Variants in KCNK5 observed in about 807,000 individuals in gnomAD.
The protein encoded by KCNK5 is potassium channel subfamily K member 5.
A neutral mutation model predicts 32.9 loss-of-function variants in KCNK5; 18 were observed. The observed-to-expected ratio is 0.55, with a 90% CI of 0.38 to 0.81. The LOEUF (loss-of-function observed/expected upper bound fraction) is 0.81. Ranked by LOEUF, KCNK5 falls within the 30% of genes least tolerant of loss-of-function variation. The probability of loss-of-function intolerance (pLI) is 0.00; values close to 1 mark genes in which losing one functional copy is unlikely to be tolerated. For missense variants in KCNK5, 507 were observed against 651.0 expected (o/e 0.78, Z 2.41); for synonymous variants, 276 against 275.3 (o/e 1.00, Z -0.03).
At chr6:39,223,209 T>C (rs1253152228) in intron 1 of KCNK5, among the ~76,000 whole-genome samples, 3 of 152,198 alleles carry the variant, frequency 2.0e-5, no homozygotes, top group Non-Finnish European at 4.4e-5. Context: ...ATTTACGATG[T>C]GCCATACACT....
At chr6:39,198,571 T>C (rs139589537) in intron 1 of KCNK5, among the ~76,000 whole-genome samples, 102 of 152,328 alleles carry the variant, frequency 6.7e-4, no homozygotes, top group African/African-American at 2.0e-3. Flanking sequence ...TGGTAGAGGA[T>C]TGAAGGGAAA....
intron 1 of KCNK5, among the ~76,000 whole-genome samples, chr6:39,199,104 A>G (rs1460856141): frequency 6.6e-6 from 1 of 152,118 alleles, no homozygotes; most frequent in Non-Finnish European, 1.5e-5. Context: ...CTAATGGGTG[A>G]TGGGAGATGC....
chr6:39,190,943 A>T lies in KCNK5; in HGVS notation c.1447T>A (p.Tyr483Asn). 6.7e-7 allele frequency: 1 copy of T among 1,502,006 alleles called. No homozygotes were observed. The highest frequency in any genetic ancestry group is 8.9e-7 in the Non-Finnish European group (1 of 1,126,878). The allele number at this position is 1,502,006 out of a possible 1,614,324, so 93.0% of individuals were successfully genotyped here. ...TTGTACTCATTCATCAGCTGTTCGT[A>T]AGGCACAGAGAGCTCAGACTCAGTG... ...TSTESELSVP[Y>N]EQLMNEYNKA... Residue 483 changes from tyrosine to asparagine, a missense_variant, in exon 5 of 5, where the codon TAC (tyrosine) becomes AAC (asparagine). Physicochemically the swap from Tyr to Asn is moderately radical, Grantham distance 143. This residue lies in a region of KCNK5 where 252 missense variants were observed against 250.8 expected (regional missense o/e 1.00). Coordinates refer to ENST00000359534, the MANE Select transcript of KCNK5 (RefSeq NM_003740.4).
intron 1 of KCNK5, among the ~76,000 whole-genome samples, chr6:39,214,267 A>G (rs547708231): frequency 7.2e-5 from 11 of 152,312 alleles, no homozygotes; most frequent in African/African-American, 2.6e-4. Context: ...ACATGCTCCC[A>G]GAGTGATGCT....
At chr6:39,216,760 C>G (rs1583718538) in intron 1 of KCNK5, among the ~76,000 whole-genome samples, 4 of 152,128 alleles carry the variant, frequency 2.6e-5, no homozygotes, top group Non-Finnish European at 5.9e-5. Flanking sequence ...TGTGACTATC[C>G]TTGCTACCAC....
At chr6:39,223,367 C>A (rs1477391814) in intron 1 of KCNK5, among the ~76,000 whole-genome samples, 1 of 152,202 alleles carries the variant, frequency 6.6e-6, no homozygotes, top group Non-Finnish European at 1.5e-5. Flanking sequence ...CATCCTCTCT[C>A]TATGTACAGC....
rs1450162869 is a variant in KCNK5 at position 39,207,367 on chromosome 6, TC to T, written c.187-11381del. ...CCTTAATCACAGAACAGAACCTAGC[TC>T]TAGTATGTGCTCAAGTATTTGCCAA... On this transcript the variant is annotated intron_variant, in intron 1 of 4. Transcript: ENST00000359534. 2.6e-5 allele frequency among the ~76,000 whole-genome samples: 4 copies of T among 152,224 alleles called. No individual in the cohort carries two copies. The East Asian group carries it at 7.7e-4, about 29-fold the overall frequency.
intron 1 of KCNK5, among the ~76,000 whole-genome samples, chr6:39,198,332 G>A (rs1771064108): frequency 1.3e-5 from 2 of 152,160 alleles, no homozygotes; most frequent in Admixed American, 6.5e-5. Context: ...CTTAAGGCCT[G>A]GTTTTCTTCA....
Position 39,191,791 on chromosome 6 carries a change from T to C in KCNK5, c.635-36A>G. On this transcript the variant is annotated intron_variant, in intron 4 of 4. Transcript: ENST00000359534. This position sits in a 1 kb window ranked among gnomAD's most constrained non-coding sequence, Gnocchi z 5.8. ...AGGCAGTCCAGAGGTCAGGAAGAGTTAGCAGGGCCCGGGAAATGTGCAATG... is the reference window on the plus strand; with the variant it reads ...AGGCAGTCCAGAGGTCAGGAAGAGTCAGCAGGGCCCGGGAAATGTGCAATG... 6.3e-7 allele frequency: 1 copy of C among 1,589,116 alleles called. No individual in the cohort carries two copies. Among genetic ancestry groups the C allele is most frequent in the Non-Finnish European group, 8.6e-7 (1 of 1,166,064 alleles).
intron 1 of KCNK5, among the ~76,000 whole-genome samples, chr6:39,223,288 T>A (rs1397459674): frequency 6.6e-6 from 1 of 152,214 alleles, no homozygotes; most frequent in Non-Finnish European, 1.5e-5. Context: ...GCTTGGTTGG[T>A]GATTCCTTCA....
intron 1 of KCNK5, among the ~76,000 whole-genome samples, chr6:39,196,415 A>C (rs1023115479): frequency 2.6e-5 from 4 of 152,138 alleles, no homozygotes; most frequent in Non-Finnish European, 5.9e-5. Context: ...TCTGCCTCTC[A>C]AAAAAAGCAC....
rs774552450 is a variant in KCNK5, at chr6:39,191,511, A to G, written c.879T>C (p.Phe293=). 5 of 1,613,746 alleles carry G rather than the reference A, an allele frequency of 3.1e-6. No homozygotes were observed. In the African/African-American group the frequency reaches 5.3e-5, roughly 17 times the overall value. Residue 293 remains phenylalanine (F), a synonymous_variant, in exon 5 of 5, where the codon TTT becomes TTC. Transcript: ENST00000359534. The surrounding 1 kb of genome is among the most constrained non-coding windows in gnomAD (Gnocchi z 5.8). ...TASKDVNIFS[F]LSKKEETYND... The stretch of plus-strand genomic sequence containing the variant: ...TGTAGGTCTCTTCCTTCTTGGAAAG[A>G]AAGCTGAAGATGTTGACGTCCTTGG...
intron 1 of KCNK5, among the ~76,000 whole-genome samples, chr6:39,209,617 C>A (rs1006730380): frequency 6.6e-6 from 1 of 152,348 alleles, no homozygotes; most frequent in East Asian, 1.9e-4. Context: ...ATTCTTCACT[C>A]TGAGACATAG....
intron 1 of KCNK5, among the ~76,000 whole-genome samples, chr6:39,214,296 G>A (rs1306342325): frequency 6.6e-6 from 1 of 152,194 alleles, no homozygotes; most frequent in Non-Finnish European, 1.5e-5. Flanking sequence ...CTTTCACCAG[G>A]CAACCTACTG....
At chr6:39,195,067 G>T (rs1260849787) in intron 2 of KCNK5, among the ~76,000 whole-genome samples, 2 of 152,078 alleles carry the variant, frequency 1.3e-5, no homozygotes, top group East Asian at 3.9e-4. Flanking sequence ...TCTCTGTGTA[G>T]ATTCCCCAGA....
At chr6:39,228,695 TC>T (rs1316156707) in intron 1 of KCNK5, among the ~76,000 whole-genome samples, 65 of 152,270 alleles carry the variant, frequency 4.3e-4, no homozygotes, top group African/African-American at 1.5e-3. Context: ...CCAATTTGTC[TC>T]CGGCCAAACT....
chr6:39,223,226 A>C (rs1280466248), intron 1 of KCNK5, among the ~76,000 whole-genome samples: 1 of 152,210 alleles, frequency 6.6e-6, no homozygotes, highest in African/African-American at 2.4e-5. Context: ...CACTATTCTA[A>C]GCAAACTATG....
chr6:39,191,440 C>T lies in KCNK5; in HGVS notation c.950G>A (p.Gly317Glu). Residue 317 changes from glycine to glutamate, a missense_variant, in exon 5 of 5, where the codon GGG becomes GAG. Gly to Glu is a moderately conservative substitution (Grantham distance 98). This residue lies in a region of KCNK5 where 252 missense variants were observed against 250.8 expected (regional missense o/e 1.00). Transcript: ENST00000359534. The surrounding 1 kb of genome is among the most constrained non-coding windows in gnomAD (Gnocchi z 5.8). ...QIGKKAMKTS[G>E]GGETGPGPGL... ...TGGGCCCGGGCCCGTCTCCCCACCC[C>T]CGCTTGTCTTCATGGCCTTCTTCCC... The T allele has an allele frequency of 6.2e-7, 1 of 1,613,384 alleles. No individual in the cohort carries two copies. Among genetic ancestry groups the T allele is most frequent in the Non-Finnish European group, 8.5e-7 (1 of 1,179,962 alleles).
At position 39,191,567 on chromosome 6, in the gene KCNK5, T is replaced by G; in HGVS notation, c.823A>C (p.Lys275Gln). The change falls in exon 5 of 5, where the codon AAG (lysine) becomes CAG (glutamine). Residue 275 changes from lysine to glutamine, a missense_variant. Coordinates refer to ENST00000359534, the MANE Select transcript of KCNK5 (RefSeq NM_003740.4). This position sits in a 1 kb window ranked among gnomAD's most constrained non-coding sequence, Gnocchi z 5.8. ...ESFESSPHSR[K>Q]ALQVKGSTAS... ...GTGCTCCCCTTCACCTGCAGGGCCT[T>G]CCGGGAGTGTGGGGAGCTCTCAAAG... The G allele has an allele frequency of 6.2e-7, 1 of 1,613,948 alleles. No homozygotes were observed. The highest frequency in any genetic ancestry group is 8.5e-7 in the Non-Finnish European group (1 of 1,180,004).
Sources: allele counts gnomAD v4.1 joint callset (sites outside exome capture counted in the v4.1 genomes callset), GRCh38; gene constraint gnomAD v4.1.1; regional missense constraint gnomAD v4.1.1; non-coding constraint Gnocchi (gnomAD v3.1); transcripts MANE v1.5; gene names NCBI Gene and HGNC (gene_info 2026-07-23, HGNC 2026-07-21).